KDM6A: variants seen among roughly 807,000 people sequenced by gnomAD.
The protein encoded by KDM6A is lysine-specific demethylase 6A.
In KDM6A, 11 loss-of-function variants were observed where a neutral mutation model predicts 117.6. That is an observed-to-expected ratio of 0.09 (90% CI 0.06 to 0.15). The LOEUF (loss-of-function observed/expected upper bound fraction) is 0.15, where lower values mean the gene tolerates loss of function less well. KDM6A is among the 10% of genes least tolerant of loss of function. The pLI, the probability that KDM6A is intolerant of heterozygous loss-of-function variation, is 1.00. For synonymous variants in KDM6A, 384 were observed against 396.1 expected (o/e 0.97, Z 0.36); for missense variants, 799 against 1,077.3 (o/e 0.74, Z 3.62).
In KDM6A at chrX:45,111,457, A is replaced by G; in HGVS notation, c.*46A>G. 1 of 1,066,057 alleles carries G rather than the reference A, an allele frequency of 9.4e-7. No individual in the cohort carries two copies. Among genetic ancestry groups the G allele is most frequent in the East Asian group, 3.0e-5 (1 of 33,220 alleles). 87.9% of individuals were successfully genotyped at this position (1,066,057 alleles called of 1,213,427 possible). A position where few individuals can be genotyped will look rare whatever the true frequency, so the allele number is the denominator to read the frequency against. ...ATGAGACCTTTTCTGCTATTCAGGAAATAACCCAGTTCTGCACCACTGGTT... is the reference window on the plus strand; with the variant it reads ...ATGAGACCTTTTCTGCTATTCAGGAGATAACCCAGTTCTGCACCACTGGTT... On this transcript the variant is annotated 3_prime_UTR_variant, in exon 30 of 30. Transcript: ENST00000611820.
chrX:44,876,980 TACACGTATACGCATACGTATATAC>T lies in KDM6A; in HGVS notation c.225+3005_225+3028del, dbSNP rs774350041. On this transcript the variant is annotated intron_variant, in intron 2 of 29. Transcript: ENST00000611820. ...ATACGCACGTATATGAATACGTATA[TACACGTATACGCATACGTATATAC>T]ACACGTATACGTGTATACATATATA... Among the ~76,000 whole-genome samples the T allele has an allele frequency of 8.5e-3, 930 of 109,339 alleles. 3 individuals are homozygous for T. Among genetic ancestry groups the T allele is most frequent in the Non-Finnish European group, 0.014 (742 of 52,836 alleles). The allele number at this position is 109,339 out of a possible 115,157, so 94.9% of individuals were successfully genotyped here. A position where few individuals can be genotyped will look rare whatever the true frequency, so the allele number is the denominator to read the frequency against.
chrX:44,935,381 GTAAT>G (rs771698181), intron 2 of KDM6A, among the ~76,000 whole-genome samples: 2 of 110,712 alleles, frequency 1.8e-5, no homozygotes, highest in African/African-American at 6.6e-5. Flanking sequence ...CAGCCAAACT[GTAAT>G]TAACTTCAGA....
Position 45,078,511 on chromosome X carries a change from C to T in KDM6A, c.3094+6C>T, listed in dbSNP as rs757184704. 1.6e-5 allele frequency: 19 copies of T among 1,188,310 alleles called. No homozygotes were observed. The highest frequency in any genetic ancestry group is 1.9e-5 in the Non-Finnish European group (17 of 878,079). ...TGCTGGAGCTCTTAAGTTAGGTAAG[C>T]CTTAAATTAAAAAAGGAAAACGTTT... On this transcript the variant is annotated splice_donor_region_variant and intron_variant, in intron 20 of 29. Transcript: ENST00000611820.
At chrX:45,099,446 T>C (rs990902639) in intron 27 of KDM6A, among the ~76,000 whole-genome samples, 14 of 110,882 alleles carry the variant, frequency 1.3e-4, no homozygotes, top group Non-Finnish European at 1.7e-4. Flanking sequence ...ACCTTTGTGT[T>C]GTGCAGAGTT....
At chrX:44,894,697 C>T (rs1177457217) in intron 2 of KDM6A, among the ~76,000 whole-genome samples, 4 of 106,916 alleles carry the variant, frequency 3.7e-5, no homozygotes, top group African/African-American at 1.4e-4. Flanking sequence ...CTCACTGCAA[C>T]CTCCGGCTCC....
intron 5 of KDM6A, 80 bp downstream of exon 5, chrX:45,011,099 G>A: frequency 2.9e-6 from 2 of 684,222 alleles, no homozygotes; most frequent in South Asian, 2.4e-5. Flanking sequence ...TTGATTTTTT[G>A]TGTGTGTGTG....
chrX:45,054,567 G>C, intron 10 of KDM6A, among the ~76,000 whole-genome samples: 1 of 111,863 alleles, frequency 8.9e-6, no homozygotes, highest in East Asian at 2.8e-4. Context: ...TTGAATGTCT[G>C]AATTATGCTT....
chrX:45,032,542 G>A (rs908136800), intron 6 of KDM6A, among the ~76,000 whole-genome samples: 1 of 111,471 alleles, frequency 9.0e-6, no homozygotes, highest in Non-Finnish European at 1.9e-5. Context: ...ATGTGTATTC[G>A]TGTTTTTTTT....
chrX:44,931,193 T>G (rs913070777), intron 2 of KDM6A, among the ~76,000 whole-genome samples: 2 of 110,744 alleles, frequency 1.8e-5, no homozygotes, highest in African/African-American at 6.6e-5. Context: ...GCCTCCTGAG[T>G]AGGTGGGACT....
intron 2 of KDM6A, among the ~76,000 whole-genome samples, chrX:44,880,782 T>A (rs57979912): frequency 0.24 from 24,072 of 98,575 alleles, 4,357 homozygotes; most frequent in African/African-American, 0.64. Context: ...ACAGAGCATG[T>A]CTCCATCTCA....
intron 2 of KDM6A, among the ~76,000 whole-genome samples, chrX:44,947,437 G>A (rs1026839785): frequency 1.9e-5 from 2 of 106,913 alleles, no homozygotes; most frequent in Non-Finnish European, 3.9e-5. Flanking sequence ...GTGCAGTGGC[G>A]TGATCTTGGC....
intron 2 of KDM6A, among the ~76,000 whole-genome samples, chrX:44,927,615 T>C (rs928754317): frequency 3.6e-5 from 4 of 110,802 alleles, no homozygotes; most frequent in African/African-American, 1.3e-4. Flanking sequence ...AAGCAGAAAG[T>C]AGAAGTCAGA....
Position 45,063,405 on chromosome X carries a change from C to G in KDM6A, c.1684-17C>G. ...ATTACACAACCAGCATTTACTTTTC[C>G]TTTGTTTTTTTGACAGATGAGACCA... On this transcript the variant is annotated splice_polypyrimidine_tract_variant and intron_variant, in intron 16 of 29. Coordinates refer to ENST00000611820, the MANE Select transcript of KDM6A (RefSeq NM_001291415.2). The G allele has an allele frequency of 8.3e-7, 1 of 1,199,350 alleles. No individual in the cohort carries two copies. Among genetic ancestry groups the G allele is most frequent in the South Asian group, 1.8e-5 (1 of 56,897 alleles).
chrX:44,920,493 C>T (rs2035853316), intron 2 of KDM6A, among the ~76,000 whole-genome samples: 1 of 108,754 alleles, frequency 9.2e-6, no homozygotes, highest in Admixed American at 9.8e-5. Context: ...GGCTGGAGTG[C>T]AGTGGCGCAG....
chrX:44,898,752 T>C, intron 2 of KDM6A, among the ~76,000 whole-genome samples: 1 of 111,001 alleles, frequency 9.0e-6, no homozygotes, highest in Non-Finnish European at 1.9e-5. Flanking sequence ...ACAGGGGAAC[T>C]GGAGCACCCC....
intron 6 of KDM6A, among the ~76,000 whole-genome samples, chrX:45,026,702 G>A (rs1011552722): frequency 3.8e-5 from 4 of 106,476 alleles, no homozygotes; most frequent in South Asian, 4.1e-4. Flanking sequence ...GCATGGTGGC[G>A]CGCCTGTAGT....
chrX:44,990,323 G>A (rs747067422), intron 4 of KDM6A, among the ~76,000 whole-genome samples: 1 of 111,332 alleles, frequency 9.0e-6, no homozygotes, highest in East Asian at 2.8e-4. Context: ...CGGATCACCT[G>A]AAGTCAGGAG....
intron 24 of KDM6A, 66 bp from the exon 25 acceptor site, chrX:45,085,799 T>C: frequency 1.7e-6 from 1 of 604,062 alleles, no homozygotes; most frequent in Non-Finnish European, 2.9e-6. Flanking sequence ...TTTTTTTCTG[T>C]ATAAGTACCG....
intron 27 of KDM6A, among the ~76,000 whole-genome samples, chrX:45,093,678 C>T (rs1183634997): frequency 9.0e-6 from 1 of 110,858 alleles, no homozygotes; most frequent in Non-Finnish European, 1.9e-5. Flanking sequence ...TTAATGTAAA[C>T]ATTAATCACC....
Sources: gnomAD v4.1 joint callset for allele counts (sites outside exome capture counted in the v4.1 genomes callset) on GRCh38, gnomAD v4.1.1 for gene constraint, MANE v1.5 for transcripts, NCBI Gene and HGNC (gene_info 2026-07-23, HGNC 2026-07-21) for gene names.